The following SH3TC2 variants were observed in gnomAD, a reference collection of about 807,000 sequenced individuals.
SH3TC2 encodes SH3 domain and tetratricopeptide repeats 2.
SH3TC2 carries 87 observed loss-of-function variants against 124.5 expected under a neutral mutation model. That is an observed-to-expected ratio of 0.70 (90% CI 0.59 to 0.84). SH3TC2 has a LOEUF of 0.84. Ranked by LOEUF, SH3TC2 falls within the 40% of genes least tolerant of loss-of-function variation. The pLI, the probability that SH3TC2 is intolerant of heterozygous loss-of-function variation, is 0.00. For missense variants in SH3TC2, 1,536 were observed against 1,566.4 expected, an observed-to-expected ratio of 0.98 and a Z score of 0.33; for synonymous variants, 634 against 628.5, an observed-to-expected ratio of 1.01 and a Z score of -0.13.
intron 1 of SH3TC2, among the ~76,000 whole-genome samples, chr5:149,056,273 C>G (rs945064932): frequency 2.0e-5 from 3 of 152,106 alleles, no homozygotes; most frequent in African/African-American, 7.2e-5. Flanking sequence ...CAACCTCCAC[C>G]CTCAAGTAGA....
At chr5:149,059,512 CTT>C (rs528917210) in intron 1 of SH3TC2, among the ~76,000 whole-genome samples, 1 of 150,760 alleles carries the variant, frequency 6.6e-6, no homozygotes, top group Admixed American at 6.6e-5. Flanking sequence ...ATTTTCTTTT[CTT>C]TTTTGACCTA....
intron 12 of SH3TC2, among the ~76,000 whole-genome samples, chr5:149,019,355 C>A (rs1753931364): frequency 6.6e-6 from 1 of 152,084 alleles, no homozygotes; most frequent in Admixed American, 6.5e-5. Context: ...TATAGCATTA[C>A]AGCATGTTCT....
Position 149,010,400 on chromosome 5 carries a change from G to C in SH3TC2, c.3205-8C>G. ...GGCTGTCTGGATGGCTGCCTAGGTG[G>C]GACAGAGACAGCTGTTAAAGGCAGA... On this transcript the variant is annotated splice_region_variant and splice_polypyrimidine_tract_variant and intron_variant, in intron 13 of 16. Coordinates refer to ENST00000515425, the MANE Select transcript of SH3TC2 (RefSeq NM_024577.4). The C allele has an allele frequency of 6.2e-7, 1 of 1,613,720 alleles. No individual in the cohort carries two copies. Among genetic ancestry groups the C allele is most frequent in the Non-Finnish European group, 8.5e-7 (1 of 1,180,014 alleles).
intron 1 of SH3TC2, among the ~76,000 whole-genome samples, chr5:149,061,227 TTTTGTTTG>T (rs200127568): frequency 1.3e-5 from 2 of 152,134 alleles, no homozygotes; most frequent in Non-Finnish European, 2.9e-5. Context: ...TTTTTCAATA[TTTTGTTTG>T]TTTGTTTGTT....
chr5:149,035,161 T>G (rs983451708), intron 8 of SH3TC2, among the ~76,000 whole-genome samples: 11 of 152,050 alleles, frequency 7.2e-5, no homozygotes, highest in Admixed American at 5.9e-4. Context: ...AAAAATAGAT[T>G]CCACAAGAAA....
At position 148,989,803 on chromosome 5, in the gene SH3TC2, G is replaced by T. The variant is rs1753393239; in HGVS notation, c.*14908C>A. ...AGCTTCAACAATCTGGTATTCAGAAGCAGCTGGAATGAACGGAGAGAGAAG... is the reference window on the plus strand; with the variant it reads ...AGCTTCAACAATCTGGTATTCAGAATCAGCTGGAATGAACGGAGAGAGAAG... On this transcript the variant is annotated 3_prime_UTR_variant, in exon 17 of 17. Coordinates refer to ENST00000515425, the MANE Select transcript of SH3TC2 (RefSeq NM_024577.4). Among the ~76,000 whole-genome samples the T allele has an allele frequency of 6.6e-6, 1 of 152,192 alleles. No individual in the cohort carries two copies. Among genetic ancestry groups the T allele is most frequent in the Admixed American group, 6.5e-5 (1 of 15,280 alleles).
chr5:149,061,912 G>A (rs1288432132), intron 1 of SH3TC2, among the ~76,000 whole-genome samples: 2 of 152,068 alleles, frequency 1.3e-5, no homozygotes, highest in Non-Finnish European at 2.9e-5. Flanking sequence ...CATTTGGGGG[G>A]ACACTCCCTG....
intron 12 of SH3TC2, among the ~76,000 whole-genome samples, chr5:149,024,410 G>C (rs962635548): frequency 2.6e-5 from 4 of 152,138 alleles, no homozygotes; most frequent in African/African-American, 7.2e-5. Flanking sequence ...TAAAAGCTTA[G>C]GTCTCTGATT....
intron 1 of SH3TC2, among the ~76,000 whole-genome samples, chr5:149,056,897 A>G (rs1159345218): frequency 6.6e-6 from 1 of 152,176 alleles, no homozygotes; most frequent in Non-Finnish European, 1.5e-5. Context: ...ATATAGAATA[A>G]ATTACCTTCG....
Position 149,028,562 on chromosome 5 carries a change from G to T in SH3TC2, c.1178-8C>A, listed in dbSNP as rs202042438. The T allele has an allele frequency of 6.2e-7, 1 of 1,614,152 alleles. No homozygotes were observed. The highest frequency in any genetic ancestry group is 1.1e-5 in the South Asian group (1 of 91,076). ...AACCTTCAGGCTGGGATGCTGTAAG[G>T]ACAGGCAAAGTTGAGCAACCTTGGG... On this transcript the variant is annotated splice_region_variant and splice_polypyrimidine_tract_variant and intron_variant, in intron 10 of 16. Transcript: ENST00000515425.
chr5:149,007,793 T>C (rs971575334), intron 15 of SH3TC2: 2 of 152,534 alleles, frequency 1.3e-5, no homozygotes, highest in Admixed American at 1.3e-4. Context: ...GGCTGTGGGA[T>C]ACCATCTAAA....
At chr5:149,022,912 T>C (rs1417928274) in intron 12 of SH3TC2, among the ~76,000 whole-genome samples, 1 of 152,172 alleles carries the variant, frequency 6.6e-6, no homozygotes, top group African/African-American at 2.4e-5. Flanking sequence ...GAGTGGGTAA[T>C]GAGGAGGCTT....
intron 8 of SH3TC2, among the ~76,000 whole-genome samples, chr5:149,037,143 T>C (rs1346766614): frequency 6.6e-6 from 1 of 152,232 alleles, no homozygotes; most frequent in Non-Finnish European, 1.5e-5. Flanking sequence ...AGTGACCTTC[T>C]GGTAACTTCC....
intron 8 of SH3TC2, among the ~76,000 whole-genome samples, chr5:149,034,010 C>T (rs1754242305): frequency 6.6e-6 from 1 of 151,966 alleles, no homozygotes; most frequent in Non-Finnish European, 1.5e-5. Context: ...CGAGAGCCAG[C>T]AGATACACAA....
rs1007464708 is a variant in SH3TC2, at chr5:148,984,702, T to A, written c.*20009A>T. Among the ~76,000 whole-genome samples the A allele has an allele frequency of 2.6e-5, 4 of 152,188 alleles. No homozygotes were observed. Among genetic ancestry groups the A allele is most frequent in the Non-Finnish European group, 4.4e-5 (3 of 68,036 alleles). ...GGGTAAATGTCCACATTTGCTTAGA[T>A]GTTTAGTGGGTATTCCAACCCTCAA... is the stretch of plus-strand genomic sequence containing the variant. On this transcript the variant is annotated 3_prime_UTR_variant, in exon 17 of 17. Coordinates refer to ENST00000515425, the MANE Select transcript of SH3TC2 (RefSeq NM_024577.4).
chr5:149,054,348 C>T (rs980472866), intron 1 of SH3TC2, among the ~76,000 whole-genome samples: 16 of 152,106 alleles, frequency 1.1e-4, no homozygotes, highest in African/African-American at 3.9e-4. Context: ...TAGATTGGTG[C>T]TTTTGAAACT....
Position 148,984,658 on chromosome 5 carries a change from G to A in SH3TC2, c.*20053C>T, listed in dbSNP as rs1425971180. ...CAGGTTGGCATATAGGAAGGAATTT[G>A]TCAGCATGTATCCCTGAAGGGTAAA... is the stretch of plus-strand genomic sequence containing the variant. On this transcript the variant is annotated 3_prime_UTR_variant, in exon 17 of 17. Coordinates refer to ENST00000515425, the MANE Select transcript of SH3TC2 (RefSeq NM_024577.4). 6.6e-6 allele frequency among the ~76,000 whole-genome samples: 1 copy of A among 152,186 alleles called. No homozygotes were observed. Among genetic ancestry groups the A allele is most frequent in the Non-Finnish European group, 1.5e-5 (1 of 68,034 alleles).
chr5:149,044,877 T>G (rs568700825), intron 3 of SH3TC2: 1 of 462,512 alleles, frequency 2.2e-6, no homozygotes, highest in African/African-American at 2.0e-5. Flanking sequence ...AAGCTCTTTG[T>G]GTACTGATAT....
intron 12 of SH3TC2, among the ~76,000 whole-genome samples, chr5:149,021,707 CAAG>C (rs1314488809): frequency 6.6e-6 from 1 of 151,602 alleles, no homozygotes; most frequent in Non-Finnish European, 1.5e-5. Flanking sequence ...CAAAACTGCT[CAAG>C]AAGAAACAGA....
Sources: allele counts gnomAD v4.1 joint callset (sites outside exome capture counted in the v4.1 genomes callset), GRCh38; gene constraint gnomAD v4.1.1; transcripts MANE v1.5; gene names NCBI Gene and HGNC (gene_info 2026-07-23, HGNC 2026-07-21).